TRIO: variants seen among roughly 807,000 people sequenced by gnomAD.
TRIO encodes the protein triple functional domain protein.
A neutral mutation model predicts 351.9 loss-of-function variants in TRIO; 58 were observed. The observed-to-expected ratio is 0.16, with a 90% CI of 0.13 to 0.21. The LOEUF (loss-of-function observed/expected upper bound fraction) is 0.21, where lower values mean the gene tolerates loss of function less well. Among genes scored for constraint, TRIO ranks in the 10% least tolerant of loss-of-function variants. The pLI, the probability that TRIO is intolerant of heterozygous loss-of-function variation, is 1.00. For synonymous variants in TRIO, 1,758 were observed against 1,595.7 expected (o/e 1.10, Z -2.42); for missense variants, 3,201 against 4,027.8 (o/e 0.79, Z 5.56).
At chr5:14,496,007 C>T (rs1756870013) in intron 49 of TRIO, among the ~76,000 whole-genome samples, 1 of 152,164 alleles carries the variant, frequency 6.6e-6, no homozygotes, top group African/African-American at 2.4e-5. Context: ...CCTTCAGCAA[C>T]TACCACCTTG....
At chr5:14,488,342 C>G in intron 48 of TRIO, 82 bp downstream of exon 48, 2 of 1,483,568 alleles carry the variant, frequency 1.3e-6, no homozygotes, top group South Asian at 2.6e-5. Flanking sequence ...GCTGTTCTCA[C>G]TAACTCGGCT....
intron 34 of TRIO, among the ~76,000 whole-genome samples, chr5:14,447,292 C>T (rs767805766): frequency 8.5e-5 from 13 of 152,102 alleles, no homozygotes; most frequent in East Asian, 1.9e-4. Context: ...TCCAAAGCCA[C>T]GTTTTTTCCC....
In TRIO at chr5:14,497,036, A is replaced by C. The variant is rs1232206343; in HGVS notation, c.8019+19A>C. 6.2e-7 allele frequency: 1 copy of C among 1,613,142 alleles called. No homozygotes were observed. The highest frequency in any genetic ancestry group is 1.3e-5 in the African/African-American group (1 of 74,870). ...TGTGAAGGTGTGTTCGGGGGTCTTC[A>C]GGAGTCCGTGTCATCCCAGCATGAG... is the stretch of plus-strand genomic sequence containing the variant. On this transcript the variant is annotated intron_variant, in intron 50 of 56. Coordinates refer to ENST00000344204, the MANE Select transcript of TRIO (RefSeq NM_007118.4). This position sits in a 1 kb window ranked among gnomAD's most constrained non-coding sequence, Gnocchi z 4.4.
chr5:14,439,739 G>T (rs777438723), intron 34 of TRIO, among the ~76,000 whole-genome samples: 1 of 152,170 alleles, frequency 6.6e-6, no homozygotes, highest in East Asian at 1.9e-4. Flanking sequence ...TCACGGGACC[G>T]TTTAAAGGGA....
intron 9 of TRIO, among the ~76,000 whole-genome samples, chr5:14,319,725 C>T (rs961083192): frequency 2.0e-5 from 3 of 152,018 alleles, no homozygotes; most frequent in African/African-American, 4.8e-5. Flanking sequence ...TGAAAGTAAC[C>T]CCAGAGGAGT....
chr5:14,425,387 C>A (rs1046018344), intron 34 of TRIO, among the ~76,000 whole-genome samples: 1 of 152,142 alleles, frequency 6.6e-6, no homozygotes, highest in Non-Finnish European at 1.5e-5. Flanking sequence ...GTCAGAATTT[C>A]CTTTCTTTTT....
At chr5:14,420,790 T>C (rs1398097193) in intron 34 of TRIO, 1 of 152,300 alleles carries the variant, frequency 6.6e-6, no homozygotes, top group Non-Finnish European at 1.5e-5. Context: ...AAAGTACAAC[T>C]TTTCCTGAAA....
intron 20 of TRIO, among the ~76,000 whole-genome samples, chr5:14,379,804 A>T (rs1745904487): frequency 6.6e-6 from 1 of 152,224 alleles, no homozygotes; most frequent in African/African-American, 2.4e-5. Context: ...TAAAATCCTG[A>T]AGTGCGTGCT....
intron 11 of TRIO, among the ~76,000 whole-genome samples, chr5:14,339,282 T>A (rs1392177762): frequency 2.0e-5 from 3 of 152,192 alleles, no homozygotes; most frequent in African/African-American, 7.2e-5. Context: ...TTTGGGCTCA[T>A]TGGCTTTTGT....
At chr5:14,225,016 G>A (rs1016212355) in intron 1 of TRIO, among the ~76,000 whole-genome samples, 2 of 152,182 alleles carry the variant, frequency 1.3e-5, no homozygotes, top group Non-Finnish European at 1.5e-5. Context: ...CATGTCTGAT[G>A]TAGAACTCCT....
chr5:14,445,534 A>G (rs1368048386), intron 34 of TRIO, among the ~76,000 whole-genome samples: 1 of 152,180 alleles, frequency 6.6e-6, no homozygotes, highest in Non-Finnish European at 1.5e-5. Flanking sequence ...AATCATATCC[A>G]TTGTCCAGTT....
intron 7 of TRIO, 85 bp downstream of exon 7, chr5:14,297,348 T>A: frequency 7.0e-7 from 1 of 1,438,498 alleles, no homozygotes; most frequent in Non-Finnish European, 9.4e-7. Context: ...CAAACACTCT[T>A]GTGTAGCACA....
chr5:14,182,463 T>C (rs1461656005), intron 1 of TRIO, among the ~76,000 whole-genome samples: 2 of 152,226 alleles, frequency 1.3e-5, no homozygotes, highest in African/African-American at 2.4e-5. Context: ...GATTGCCTTA[T>C]CAAATACAAT....
intron 1 of TRIO, among the ~76,000 whole-genome samples, chr5:14,177,870 C>T (rs1299983566): frequency 6.6e-6 from 1 of 152,194 alleles, no homozygotes; most frequent in Non-Finnish European, 1.5e-5. Context: ...CATTATTAAA[C>T]AGAAAAGCAA....
chr5:14,326,631 C>T (rs538300386), intron 9 of TRIO, among the ~76,000 whole-genome samples: 1 of 152,328 alleles, frequency 6.6e-6, no homozygotes, highest in Admixed American at 6.5e-5. Context: ...CAGCAAGCCC[C>T]AGGCCAGCCT....
intron 8 of TRIO, among the ~76,000 whole-genome samples, chr5:14,304,818 G>A (rs1738220291): frequency 6.6e-6 from 1 of 152,120 alleles, no homozygotes; most frequent in African/African-American, 2.4e-5. Context: ...CCGATAGAGC[G>A]CTTATATGCT....
chr5:14,474,848 G>A lies in TRIO; in HGVS notation c.6083+751G>A, dbSNP rs140349481. 2.3e-3 allele frequency among the ~76,000 whole-genome samples: 354 copies of A among 152,120 alleles called. 2 individuals are homozygous for A. Among genetic ancestry groups the A allele is most frequent in the Middle Eastern group, 6.8e-3 (2 of 294 alleles). Reference sequence around the variant, plus strand: ...GCACCATGTGCAGCTAACTTTTTTGGTTTTCGTAGACAAACACGGGCTTGC... The same window carrying A: ...GCACCATGTGCAGCTAACTTTTTTGATTTTCGTAGACAAACACGGGCTTGC... On this transcript the variant is annotated intron_variant, in intron 40 of 56. Coordinates refer to ENST00000344204, the MANE Select transcript of TRIO (RefSeq NM_007118.4).
At chr5:14,329,703 A>G (rs1740731796) in intron 9 of TRIO, among the ~76,000 whole-genome samples, 3 of 152,218 alleles carry the variant, frequency 2.0e-5, no homozygotes, top group Admixed American at 2.0e-4. Flanking sequence ...AATATTTAAA[A>G]TCTTTTAAAG....
intron 1 of TRIO, among the ~76,000 whole-genome samples, chr5:14,228,593 C>T (rs1007635559): frequency 1.3e-5 from 2 of 152,124 alleles, no homozygotes; most frequent in Middle Eastern, 3.2e-3. Context: ...AGGGAGGCCA[C>T]ATGTGGATTT....
Sources: allele counts gnomAD v4.1 joint callset (sites outside exome capture counted in the v4.1 genomes callset), GRCh38; gene constraint gnomAD v4.1.1; non-coding constraint Gnocchi (gnomAD v3.1); transcripts MANE v1.5; gene names NCBI Gene and HGNC (gene_info 2026-07-23, HGNC 2026-07-21).